GAD2: variants seen among roughly 807,000 people sequenced by gnomAD.
GAD2 encodes the protein glutamate decarboxylase 2.
A neutral mutation model predicts 80.1 loss-of-function variants in GAD2; 22 were observed. The ratio of observed to expected loss-of-function variants is 0.27; its 90% confidence interval spans 0.20 to 0.39. GAD2 has a LOEUF of 0.39. Ranked by LOEUF, GAD2 falls within the 10% of genes least tolerant of loss-of-function variation. The pLI, the probability that GAD2 is intolerant of heterozygous loss-of-function variation, is 1.00. For synonymous variants in GAD2, 274 were observed against 256.9 expected, an observed-to-expected ratio of 1.07 and a Z score of -0.64; for missense variants, 624 against 738.4, an observed-to-expected ratio of 0.85 and a Z score of 1.80.
chr10:26,271,960 A>G (rs1845142524), intron 10 of GAD2, among the ~76,000 whole-genome samples: 1 of 152,080 alleles, frequency 6.6e-6, no homozygotes, highest in South Asian at 2.1e-4. Flanking sequence ...GGATTTCTCC[A>G]TATTGGCCAG....
intron 11 of GAD2, among the ~76,000 whole-genome samples, chr10:26,275,703 A>G (rs1005229169): frequency 1.3e-5 from 2 of 152,250 alleles, no homozygotes; most frequent in Non-Finnish European, 1.5e-5. Flanking sequence ...CCACAAGTTT[A>G]GGAAAGAAAT....
At chr10:26,227,993 G>A (rs1844551189) in intron 6 of GAD2, among the ~76,000 whole-genome samples, 1 of 152,240 alleles carries the variant, frequency 6.6e-6, no homozygotes, top group South Asian at 2.1e-4. Context: ...AGAGCCCAGG[G>A]CTCAAGAGAC....
In GAD2 at chr10:26,273,799, A is replaced by C. The variant is rs1439722448; in HGVS notation, c.1157+99A>C. ...CCAGGAACTTTTGGAATACTGAGTG[A>C]ACTCACTCTATTCAGTGCTTGTGTT... On this transcript the variant is annotated intron_variant, in intron 11 of 15. Transcript: ENST00000376261. 6.3e-6 allele frequency: 6 copies of C among 948,816 alleles called. No homozygotes were observed. In the African/African-American group the frequency reaches 9.8e-5, roughly 16 times the overall value. 58.8% of individuals were successfully genotyped at this position (948,816 alleles called of 1,614,324 possible).
intron 11 of GAD2, among the ~76,000 whole-genome samples, chr10:26,276,952 T>G (rs567602394): frequency 1.3e-5 from 2 of 152,336 alleles, no homozygotes; most frequent in East Asian, 3.9e-4. Context: ...ATATAAAGCC[T>G]ATCTTCAAGG....
chr10:26,243,528 G>A (rs975894934), intron 7 of GAD2, among the ~76,000 whole-genome samples: 2 of 152,320 alleles, frequency 1.3e-5, no homozygotes, highest in Admixed American at 1.3e-4. Flanking sequence ...GTACAGCTGG[G>A]CTTAGGTTAG....
chr10:26,244,779 A>G (rs1482886690), intron 7 of GAD2, among the ~76,000 whole-genome samples: 2 of 152,120 alleles, frequency 1.3e-5, no homozygotes, highest in Non-Finnish European at 2.9e-5. Context: ...CAAGATGCAA[A>G]GAGTTCTGAA....
intron 7 of GAD2, among the ~76,000 whole-genome samples, 162 bp from the exon 8 acceptor site, chr10:26,245,758 TA>T (rs915947038): frequency 9.9e-5 from 15 of 152,110 alleles, no homozygotes; most frequent in African/African-American, 3.4e-4. Flanking sequence ...CCACAGTTTT[TA>T]AAAAAGCACA....
chr10:26,260,560 G>A (rs1428855850), intron 8 of GAD2, among the ~76,000 whole-genome samples: 4 of 152,132 alleles, frequency 2.6e-5, no homozygotes, highest in Non-Finnish European at 4.4e-5. Context: ...CCCCGGAGGC[G>A]AAGGTTGCAG....
In GAD2 at chr10:26,273,702, T is replaced by C. The variant is rs761321552; in HGVS notation, c.1157+2T>C. The C allele has an allele frequency of 6.2e-7, 1 of 1,612,512 alleles. No homozygotes were observed. Among genetic ancestry groups the C allele is most frequent in the Non-Finnish European group, 8.5e-7 (1 of 1,179,034 alleles). On this transcript the variant is annotated splice_donor_variant, in intron 11 of 15. Coordinates refer to ENST00000376261, the MANE Select transcript of GAD2 (RefSeq NM_001134366.2). LOFTEE classifies it high-confidence loss of function. ...GTGGAAACTGAGTGGCGTGGAGAGG[T>C]ATGTTGCATTTTTCTTATTAACAAC...
At chr10:26,228,699 G>A (rs559860551) in intron 6 of GAD2, among the ~76,000 whole-genome samples, 3 of 152,324 alleles carry the variant, frequency 2.0e-5, no homozygotes, top group South Asian at 2.1e-4. Flanking sequence ...ATTGTGAACT[G>A]CGCATGCGAG....
At chr10:26,239,601 G>T (rs1844716109) in intron 7 of GAD2, among the ~76,000 whole-genome samples, 1 of 152,192 alleles carries the variant, frequency 6.6e-6, no homozygotes, top group Non-Finnish European at 1.5e-5. Context: ...CATGCAGCCT[G>T]CTGTGTTCTC....
chr10:26,250,458 G>A (rs1321971565), intron 8 of GAD2, among the ~76,000 whole-genome samples: 3 of 152,018 alleles, frequency 2.0e-5, no homozygotes, highest in Middle Eastern at 6.8e-3. Flanking sequence ...GGGCAGCTAG[G>A]GCTCGGGGCT....
rs1003581815 is a variant in GAD2 at position 26,302,807 on chromosome 10, A to G, written c.*1846A>G. The stretch of plus-strand genomic sequence containing the variant: ...ATGGCTTTGGGCCCTTTCTGTCTAG[A>G]AAAACAAATGGGTTCACTATGACAA... On this transcript the variant is annotated 3_prime_UTR_variant, in exon 16 of 16. Coordinates refer to ENST00000376261, the MANE Select transcript of GAD2 (RefSeq NM_001134366.2). The G allele has an allele frequency of 6.6e-6, 1 of 152,238 alleles. No individual in the cohort carries two copies. Among genetic ancestry groups the G allele is most frequent in the South Asian group, 2.1e-4 (1 of 4,830 alleles). 9.4% of individuals were successfully genotyped at this position (152,238 alleles called of 1,614,324 possible).
chr10:26,240,714 A>G (rs893341627), intron 7 of GAD2, among the ~76,000 whole-genome samples: 13 of 149,644 alleles, frequency 8.7e-5, no homozygotes, highest in Non-Finnish European at 1.8e-4. Flanking sequence ...CCTGGGCAAC[A>G]GAGTGAGACT....
intron 13 of GAD2, among the ~76,000 whole-genome samples, 194 bp from the exon 14 acceptor site, chr10:26,292,271 A>G (rs1050315027): frequency 3.3e-5 from 5 of 152,224 alleles, no homozygotes; most frequent in African/African-American, 7.2e-5. Flanking sequence ...CAGTAATGAA[A>G]GGGAACAAAA....
At chr10:26,219,783 T>G (rs964855613) in intron 4 of GAD2, among the ~76,000 whole-genome samples, 6 of 152,196 alleles carry the variant, frequency 3.9e-5, no homozygotes, top group Non-Finnish European at 7.3e-5. Context: ...GGCCAACCTT[T>G]CAGATTTGAA....
chr10:26,268,726 A>C (rs983901814), intron 8 of GAD2, among the ~76,000 whole-genome samples: 105 of 152,288 alleles, frequency 6.9e-4, no homozygotes, highest in African/African-American at 2.5e-3. Context: ...TGGTATGTGA[A>C]ATTGCAGGTC....
Position 26,219,114 on chromosome 10 carries a change from C to A in GAD2, c.358C>A (p.Gln120Lys). 1 of 1,612,834 alleles carries A rather than the reference C, an allele frequency of 6.2e-7. No individual in the cohort carries two copies. The highest frequency in any genetic ancestry group is 8.5e-7 in the Non-Finnish European group (1 of 1,179,584). ...GCAAGATGTTATGAACATTTTACTT[C>A]AGTATGTGGTGAAAAGTTTCGATAG... is the stretch of plus-strand genomic sequence containing the variant. ...FLQDVMNILL[Q>K]YVVKSFDRST... The change falls in exon 4 of 16, where the codon CAG becomes AAG. Residue 120 changes from glutamine to lysine, a missense_variant. By Grantham distance (53) the Gln-to-Lys change is moderately conservative (BLOSUM62 1). Transcript: ENST00000376261.
chr10:26,304,458 T>A lies in GAD2; in HGVS notation c.*3497T>A, dbSNP rs1337478729. 1 of 152,640 alleles carries A rather than the reference T, an allele frequency of 6.6e-6. No individual in the cohort carries two copies. Among genetic ancestry groups the A allele is most frequent in the Non-Finnish European group, 1.5e-5 (1 of 68,026 alleles). The allele number at this position is 152,640 out of a possible 1,614,324, so 9.5% of individuals were successfully genotyped here. ...TAAAAACATAAAATATACAAACATG[T>A]GGCAACCTGTTCTTCCTACCAAATA... On this transcript the variant is annotated 3_prime_UTR_variant, in exon 16 of 16. Transcript: ENST00000376261.
Sources: allele counts gnomAD v4.1 joint callset (sites outside exome capture counted in the v4.1 genomes callset), GRCh38; gene constraint gnomAD v4.1.1; transcripts MANE v1.5; gene names NCBI Gene and HGNC (gene_info 2026-07-23, HGNC 2026-07-21).